SORCS1: variants seen among roughly 807,000 people sequenced by gnomAD.
The protein encoded by SORCS1 is VPS10 domain-containing receptor SorCS1.
SORCS1 carries 60 observed loss-of-function variants against 146.1 expected under a neutral mutation model. The observed-to-expected ratio is 0.41, with a 90% confidence interval of 0.33 to 0.51. The LOEUF is 0.51. Ranked by LOEUF, SORCS1 falls within the 20% of genes least tolerant of loss-of-function variation. The pLI, the probability that SORCS1 is intolerant of heterozygous loss-of-function variation, is 0.21. For missense variants in SORCS1, 1,352 were observed against 1,487.6 expected (o/e 0.91, Z 1.50); for synonymous variants, 637 against 584.0 (o/e 1.09, Z -1.31).
chr10:106,966,579 C>T (rs1955505076), intron 1 of SORCS1, among the ~76,000 whole-genome samples: 1 of 152,176 alleles, frequency 6.6e-6, no homozygotes, highest in South Asian at 2.1e-4. Flanking sequence ...AAAAGGCAAG[C>T]CAACCAACAG....
intron 18 of SORCS1, among the ~76,000 whole-genome samples, chr10:106,650,569 G>C (rs1849785624): frequency 6.6e-6 from 1 of 152,118 alleles, no homozygotes. Flanking sequence ...TTCTCCCTGG[G>C]ACATGACCTC....
intron 3 of SORCS1, among the ~76,000 whole-genome samples, chr10:106,794,833 T>G (rs10509823): frequency 6.6e-6 from 1 of 151,954 alleles, no homozygotes; most frequent in Non-Finnish European, 1.5e-5. Flanking sequence ...AAATAAAGTT[T>G]CTGTATTCAT....
chr10:107,041,908 A>G (rs1040885754), intron 1 of SORCS1, among the ~76,000 whole-genome samples: 1 of 152,192 alleles, frequency 6.6e-6, no homozygotes, highest in African/African-American at 2.4e-5. Flanking sequence ...GATAACATGA[A>G]AAGCACAGCT....
rs564980968 is a variant in SORCS1 at position 106,742,791 on chromosome 10, T to G, written c.960-12677A>C. Among the ~76,000 whole-genome samples, 3 of 152,306 alleles carry G rather than the reference T, an allele frequency of 2.0e-5. No homozygotes were observed. The South Asian group carries it at 6.2e-4, about 32-fold the overall frequency. On this transcript the variant is annotated intron_variant, in intron 5 of 25. Transcript: ENST00000263054. Reference sequence around the variant, plus strand: ...ATGAAATTTCCCACTTGTGACATCATGTTGTCACTCAAAAAGTTTCAGATT... The same window carrying G: ...ATGAAATTTCCCACTTGTGACATCAGGTTGTCACTCAAAAAGTTTCAGATT...
intron 24 of SORCS1, among the ~76,000 whole-genome samples, chr10:106,590,262 T>A (rs923491089): frequency 9.9e-5 from 15 of 152,208 alleles, no homozygotes; most frequent in African/African-American, 3.6e-4. Context: ...ATCTTCTGCA[T>A]AGAACATTTT....
intron 3 of SORCS1, among the ~76,000 whole-genome samples, chr10:106,784,604 C>A (rs545546104): frequency 6.6e-6 from 1 of 152,298 alleles, no homozygotes; most frequent in East Asian, 1.9e-4. Flanking sequence ...AAAGTAACTT[C>A]TCTCTTAAAT....
intron 3 of SORCS1, among the ~76,000 whole-genome samples, chr10:106,806,368 A>AAAAAT (rs1339342439): frequency 1.4e-5 from 2 of 140,828 alleles, no homozygotes; most frequent in African/African-American, 5.3e-5. Flanking sequence ...ACTCCTCCTC[A>AAAAAT]AAAATAAAAT....
intron 2 of SORCS1, among the ~76,000 whole-genome samples, chr10:106,840,029 T>C (rs547408139): frequency 6.6e-6 from 1 of 152,350 alleles, no homozygotes; most frequent in South Asian, 2.1e-4. Context: ...TACAAGGAAA[T>C]GGATGTTGTT....
At chr10:106,985,624 CTTCCCGGGT>C (rs1956437245) in intron 1 of SORCS1, among the ~76,000 whole-genome samples, 1 of 150,494 alleles carries the variant, frequency 6.6e-6, no homozygotes, top group Non-Finnish European at 1.5e-5. Context: ...CAGCCTCTAA[CTTCCCGGGT>C]TCAAGCGATT....
At chr10:106,709,095 T>G (rs1334780402) in intron 7 of SORCS1, 128 bp downstream of exon 7, 4 of 670,508 alleles carry the variant, frequency 6.0e-6, no homozygotes, top group African/African-American at 3.7e-5. Context: ...TTCCCCTCTC[T>G]CCCTACCTCC....
intron 1 of SORCS1, among the ~76,000 whole-genome samples, chr10:107,148,528 A>T (rs2134788246): frequency 6.6e-6 from 1 of 152,360 alleles, no homozygotes; most frequent in South Asian, 2.1e-4. Context: ...GGTAGGACAG[A>T]TATAGCCCAT....
At chr10:106,621,453 T>G (rs117810490) in intron 19 of SORCS1, among the ~76,000 whole-genome samples, 1,681 of 151,774 alleles carry the variant, frequency 0.011, 15 homozygotes, top group Non-Finnish European at 0.017. Context: ...CTGCTTGCCC[T>G]GTAAATGTGT....
At chr10:106,769,815 G>C (rs1859871233) in intron 4 of SORCS1, among the ~76,000 whole-genome samples, 1 of 152,090 alleles carries the variant, frequency 6.6e-6, no homozygotes, top group Admixed American at 6.5e-5. Flanking sequence ...AGAGTTTCCA[G>C]CCAGGCACAG....
intron 24 of SORCS1, among the ~76,000 whole-genome samples, chr10:106,591,784 T>TGTCCAGGCAAATGTCTCTGGAAAGATGTC (rs1462973989): frequency 4.1e-4 from 62 of 152,182 alleles, no homozygotes; most frequent in Admixed American, 1.4e-3. Flanking sequence ...GGGAAGATGT[T>TGTCCAGGCAAATGTCTCTGGAAAGATGTC]GTCCAGGCAA....
rs145688021 is a variant in SORCS1, at chr10:107,068,465, C to A, written c.558+95504G>T. 1.5e-3 allele frequency among the ~76,000 whole-genome samples: 221 copies of A among 152,256 alleles called. 1 individual carries two copies. The highest frequency in any genetic ancestry group is 4.9e-3 in the African/African-American group (202 of 41,552). ...GGAACCAGGTACTAACATGGTTAGT[C>A]TTTTTCTGAAGGTTAAGTGACCAAC... is the stretch of plus-strand genomic sequence containing the variant. On this transcript the variant is annotated intron_variant, in intron 1 of 25. Transcript: ENST00000263054.
intron 20 of SORCS1, 22 bp from the exon 21 acceptor site, chr10:106,618,294 A>C (rs1214364610): frequency 6.2e-7 from 1 of 1,612,096 alleles, no homozygotes; most frequent in African/African-American, 1.3e-5. Context: ...AAGGGCCCAG[A>C]GTGAAGGGAA....
At chr10:106,700,056 T>C (rs1380362470) in intron 8 of SORCS1, among the ~76,000 whole-genome samples, 2 of 152,190 alleles carry the variant, frequency 1.3e-5, no homozygotes, top group Non-Finnish European at 2.9e-5. Flanking sequence ...CATGTTAGTG[T>C]GTTCAAAGAC....
intron 2 of SORCS1, among the ~76,000 whole-genome samples, chr10:106,938,255 A>G (rs550426896): frequency 6.6e-6 from 1 of 152,326 alleles, no homozygotes; most frequent in South Asian, 2.1e-4. Context: ...TATTTCAGGA[A>G]CTTAGCACAT....
At chr10:106,938,950 T>C (rs1953889723) in intron 2 of SORCS1, among the ~76,000 whole-genome samples, 1 of 152,170 alleles carries the variant, frequency 6.6e-6, no homozygotes, top group Non-Finnish European at 1.5e-5. Context: ...TGTTAAGTTT[T>C]GAAGAGAGAG....
Sources: gnomAD v4.1 joint callset for allele counts (sites outside exome capture counted in the v4.1 genomes callset) on GRCh38, gnomAD v4.1.1 for gene constraint, MANE v1.5 for transcripts, NCBI Gene and HGNC (gene_info 2026-07-23, HGNC 2026-07-21) for gene names.